The following TAOK1 variants were observed in gnomAD, a reference collection of about 807,000 sequenced individuals.
The protein encoded by TAOK1 is TAO kinase 1.
TAOK1 carries 21 observed loss-of-function variants against 138.3 expected under a neutral mutation model. The observed-to-expected ratio is 0.15, with a 90% CI of 0.11 to 0.22. The LOEUF is 0.22. TAOK1 is among the 10% of genes least tolerant of loss of function. The pLI is 1.00. For synonymous variants in TAOK1, 361 were observed against 398.4 expected (o/e 0.91, Z 1.12); for missense variants, 651 against 1,227.7 (o/e 0.53, Z 7.02).
chr17:29,516,444 C>T (rs1267968516), intron 15 of TAOK1, among the ~76,000 whole-genome samples: 1 of 151,894 alleles, frequency 6.6e-6, no homozygotes, highest in Non-Finnish European at 1.5e-5. Context: ...AAGCAACGCT[C>T]CTGCCTCAGC....
At chr17:29,399,498 T>G (rs7222804) in intron 1 of TAOK1, among the ~76,000 whole-genome samples, 94,335 of 151,664 alleles carry the variant, frequency 0.62, 30,532 homozygotes, top group East Asian at 0.97. Flanking sequence ...TGTATTTTTA[T>G]TAGAGACGGG....
chr17:29,542,973 C>T lies in TAOK1; in HGVS notation c.2957C>T (p.Thr986Met). The T allele has an allele frequency of 6.2e-7, 1 of 1,609,682 alleles. No homozygotes were observed. Among genetic ancestry groups the T allele is most frequent in the East Asian group, 2.2e-5 (1 of 44,760 alleles). ...GRTEQGMSRS[T>M]SVTSQISNGS... Reference sequence around the variant, plus strand: ...ACGGAGCAGGGCATGAGCAGAAGCACGAGTGTCACTTCACAAATATCCAAT... The same window carrying T: ...ACGGAGCAGGGCATGAGCAGAAGCATGAGTGTCACTTCACAAATATCCAAT... Residue 986 changes from threonine to methionine, a missense_variant, in exon 20 of 20, where the codon ACG (threonine) becomes ATG (methionine). Physicochemically the swap from Thr to Met is moderately conservative, Grantham distance 81 (BLOSUM62 -1). Transcript: ENST00000261716.
intron 1 of TAOK1, among the ~76,000 whole-genome samples, chr17:29,412,994 CTTAA>C (rs1350065811): frequency 6.6e-6 from 1 of 152,092 alleles, no homozygotes; most frequent in Admixed American, 6.6e-5. Flanking sequence ...GAATTCATAT[CTTAA>C]TTGGGTCTTC....
chr17:29,403,869 C>T (rs1904919811), intron 1 of TAOK1: 1 of 151,866 alleles, frequency 6.6e-6, no homozygotes, highest in Non-Finnish European at 1.5e-5. Flanking sequence ...CATGCCTGGC[C>T]TAGATTCTTT....
chr17:29,480,100 A>T, intron 6 of TAOK1: 1 of 224,684 alleles, frequency 4.5e-6, no homozygotes, highest in Non-Finnish European at 8.6e-6. Context: ...AAACTAAAAT[A>T]TAAACTATGC....
chr17:29,418,583 G>T (rs1905327287), intron 1 of TAOK1, among the ~76,000 whole-genome samples: 2 of 152,056 alleles, frequency 1.3e-5, no homozygotes, highest in African/African-American at 4.8e-5. Flanking sequence ...ATCCATGAAT[G>T]CCTAAGTCAC....
At chr17:29,406,209 T>C (rs777254928) in intron 1 of TAOK1, among the ~76,000 whole-genome samples, 2 of 152,088 alleles carry the variant, frequency 1.3e-5, no homozygotes, top group Non-Finnish European at 2.9e-5. Flanking sequence ...CCCCTGGTTG[T>C]GATGATCAAA....
chr17:29,395,487 C>T (rs1432669721), intron 1 of TAOK1, among the ~76,000 whole-genome samples: 1 of 152,072 alleles, frequency 6.6e-6, no homozygotes, highest in African/African-American at 2.4e-5. Context: ...GTTGAGATGG[C>T]GCCACTGCCT....
At chr17:29,534,854 T>A (rs1308871220) in intron 19 of TAOK1, among the ~76,000 whole-genome samples, 1 of 152,200 alleles carries the variant, frequency 6.6e-6, no homozygotes, top group Non-Finnish European at 1.5e-5. Context: ...CTTTACTTTT[T>A]TCTGAATTAT....
chr17:29,436,561 A>G (rs989225198), intron 1 of TAOK1, among the ~76,000 whole-genome samples: 6 of 152,236 alleles, frequency 3.9e-5, no homozygotes, highest in African/African-American at 1.4e-4. Flanking sequence ...CATCTTCTGA[A>G]AAGGATTAAA....
At chr17:29,476,022 C>T (rs1184528408) in intron 4 of TAOK1, among the ~76,000 whole-genome samples, 1 of 152,194 alleles carries the variant, frequency 6.6e-6, no homozygotes, top group Non-Finnish European at 1.5e-5. Context: ...TGTCCTATGA[C>T]AGTTTTAGTA....
chr17:29,441,948 T>G (rs548600033), intron 1 of TAOK1, among the ~76,000 whole-genome samples: 1 of 152,226 alleles, frequency 6.6e-6, no homozygotes, highest in African/African-American at 2.4e-5. Flanking sequence ...ATTTGAGTCT[T>G]CTATCTTTTT....
intron 1 of TAOK1, among the ~76,000 whole-genome samples, chr17:29,447,531 A>G (rs371708351): frequency 2.0e-5 from 3 of 151,870 alleles, no homozygotes; most frequent in Non-Finnish European, 4.4e-5. Context: ...GGGTTTCGCC[A>G]TGTTGGTCAG....
At chr17:29,532,390 G>A (rs1182276753) in intron 18 of TAOK1, among the ~76,000 whole-genome samples, 2 of 144,958 alleles carry the variant, frequency 1.4e-5, no homozygotes, top group South Asian at 4.3e-4. Context: ...GGTGTTTCTC[G>A]CAGAGGGGGA....
Position 29,491,881 on chromosome 17 carries a change from G to C in TAOK1, c.831+16G>C. The C allele has an allele frequency of 1.9e-6, 3 of 1,574,894 alleles. No homozygotes were observed. The highest frequency in any genetic ancestry group is 2.6e-6 in the Non-Finnish European group (3 of 1,150,634). On this transcript the variant is annotated intron_variant, in intron 10 of 19. Coordinates refer to ENST00000261716, the MANE Select transcript of TAOK1 (RefSeq NM_020791.4). ...ACTTTTAAAGGTCAGTTCTATTATA[G>C]TTTATTTATTTATTTTATTTTAAGA... is the stretch of plus-strand genomic sequence containing the variant.
intron 3 of TAOK1, among the ~76,000 whole-genome samples, chr17:29,471,074 C>T (rs757034569): frequency 1.3e-5 from 2 of 151,814 alleles, no homozygotes; most frequent in Non-Finnish European, 2.9e-5. Flanking sequence ...ACAAGAATCA[C>T]TTGAACCCAG....
rs1227269831 is a variant in TAOK1 at position 29,477,790 on chromosome 17, A to G, written c.352+84A>G. On this transcript the variant is annotated intron_variant, in intron 5 of 19. Transcript: ENST00000261716. ...CATTATTTAAATGATATTAATACCAAATAATGTAAAACTTTCCAGAAAGAG... is the reference window on the plus strand; with the variant it reads ...CATTATTTAAATGATATTAATACCAGATAATGTAAAACTTTCCAGAAAGAG... 3.6e-6 allele frequency: 3 copies of G among 832,242 alleles called. No homozygotes were observed. The East Asian group carries it at 1.1e-4, about 31-fold the overall frequency. 51.6% of individuals were successfully genotyped at this position (832,242 alleles called of 1,614,324 possible).
Position 29,477,664 on chromosome 17 carries a change from G to A in TAOK1, c.310G>A (p.Val104Ile). The change falls in exon 5 of 20, where the codon GTA becomes ATA. Residue 104 changes from valine to isoleucine, a missense_variant. By Grantham distance (29) the Val-to-Ile change is conservative. Around this residue, in one of 8 missense-constraint regions of TAOK1, gnomAD observed 116 missense variants for 213.9 expected, o/e 0.54. Transcript: ENST00000261716. ...CYLREHTAWL[V>I]MEYCLGSASD... ...CTTTTATAACTTTTCCATGTAGCTT[G>A]TAATGGAATATTGTTTAGGATCTGC... 1.4e-6 allele frequency: 2 copies of A among 1,385,546 alleles called. No homozygotes were observed. The highest frequency in any genetic ancestry group is 2.4e-5 in the Admixed American group (1 of 41,012). 85.8% of individuals were successfully genotyped at this position (1,385,546 alleles called of 1,614,324 possible). A position where few individuals can be genotyped will look rare whatever the true frequency, so the allele number is the denominator to read the frequency against.
rs180967074 is a variant in TAOK1 at position 29,439,588 on chromosome 17, A to G, written c.-94-11867A>G. Among the ~76,000 whole-genome samples, 14 of 152,222 alleles carry G rather than the reference A, an allele frequency of 9.2e-5. No homozygotes were observed. In the East Asian group the frequency reaches 2.7e-3, roughly 29 times the overall value. On this transcript the variant is annotated intron_variant, in intron 1 of 19. Transcript: ENST00000261716. The stretch of plus-strand genomic sequence containing the variant: ...CATTGCATATTGTTGTCTTGTCTCT[A>G]GTCTCCTCCAGAACAGTTACCTGTG...
Sources: gnomAD v4.1 joint callset for allele counts (sites outside exome capture counted in the v4.1 genomes callset) on GRCh38, gnomAD v4.1.1 for gene constraint, gnomAD v4.1.1 regional missense constraint, MANE v1.5 for transcripts, NCBI Gene and HGNC (gene_info 2026-07-23, HGNC 2026-07-21) for gene names.